FMN2: variants seen among roughly 807,000 people sequenced by gnomAD.
The protein encoded by FMN2 is formin 2.
Under a neutral mutation model 142.3 loss-of-function variants are expected in FMN2, and 51 were observed. The ratio of observed to expected loss-of-function variants is 0.36; its 90% CI spans 0.29 to 0.45. The LOEUF (loss-of-function observed/expected upper bound fraction) is 0.45, where lower values mean the gene tolerates loss of function less well. FMN2 is among the 20% of genes least tolerant of loss of function. The probability of loss-of-function intolerance (pLI) is 1.00; values close to 1 mark genes in which losing one functional copy is unlikely to be tolerated. For missense variants in FMN2, 1,936 were observed against 2,122.8 expected (o/e 0.91, Z 1.73); for synonymous variants, 882 against 869.8 (o/e 1.01, Z -0.25).
intron 8 of FMN2, among the ~76,000 whole-genome samples, chr1:240,304,287 AT>A (rs1237859807): frequency 6.6e-6 from 1 of 152,196 alleles, no homozygotes; most frequent in African/African-American, 2.4e-5. Context: ...GAATTTAACA[AT>A]GTAATTCTGG....
chr1:240,196,494 C>G (rs930623836), intron 4 of FMN2, among the ~76,000 whole-genome samples: 3 of 152,042 alleles, frequency 2.0e-5, no homozygotes, highest in Non-Finnish European at 2.9e-5. Flanking sequence ...GCCCAGCAAT[C>G]TGTGTGTGTT....
At chr1:240,315,616 G>T (rs1050198433) in intron 8 of FMN2, among the ~76,000 whole-genome samples, 2 of 152,180 alleles carry the variant, frequency 1.3e-5, no homozygotes, top group African/African-American at 4.8e-5. Context: ...CTGAGGAGCT[G>T]TTCAGCCATT....
chr1:240,210,957 C>G lies in FMN2; in HGVS notation c.3921-134C>G, dbSNP rs1198667415. 4.3e-6 allele frequency: 3 copies of G among 694,044 alleles called. No homozygotes were observed. The African/African-American group carries it at 5.5e-5, about 13-fold the overall frequency. The allele number at this position is 694,044 out of a possible 1,614,324, so 43.0% of individuals were successfully genotyped here. ...TCTTAAAGAAAAAGAATATTTTTTC[C>G]TTCTTATCTCTCTTCTTTTTCCCTC... On this transcript the variant is annotated intron_variant, in intron 5 of 17. Transcript: ENST00000319653.
chr1:240,467,788 G>A (rs1290470438), intron 16 of FMN2, among the ~76,000 whole-genome samples: 7 of 152,192 alleles, frequency 4.6e-5, no homozygotes, highest in Middle Eastern at 3.4e-3. Flanking sequence ...TTTATTCAGC[G>A]TAGTTTTGTT....
chr1:240,145,591 G>T (rs1331021576), intron 2 of FMN2, among the ~76,000 whole-genome samples: 1 of 128,804 alleles, frequency 7.8e-6, no homozygotes, highest in Non-Finnish European at 1.6e-5. Context: ...ACCCAGGCTG[G>T]AGTACAATGG....
chr1:240,270,525 T>G (rs1421328623), intron 7 of FMN2, among the ~76,000 whole-genome samples: 4 of 152,094 alleles, frequency 2.6e-5, no homozygotes, highest in African/African-American at 9.7e-5. Flanking sequence ...CCTCATTGGC[T>G]TTGATAACTG....
chr1:240,143,920 G>A (rs991830019), intron 2 of FMN2: 1 of 1,532,900 alleles, frequency 6.5e-7, no homozygotes, highest in South Asian at 1.1e-5. Context: ...CGTAGGCCAA[G>A]CCTAGCCCAA....
At chr1:240,350,654 T>C (rs1172251878) in intron 13 of FMN2, among the ~76,000 whole-genome samples, 2 of 152,220 alleles carry the variant, frequency 1.3e-5, no homozygotes, top group Non-Finnish European at 2.9e-5. Context: ...ACAGAGCTAA[T>C]AGAAGAACTG....
intron 15 of FMN2, among the ~76,000 whole-genome samples, chr1:240,405,775 AAT>A (rs888981437): frequency 2.4e-4 from 36 of 152,016 alleles, no homozygotes; most frequent in African/African-American, 8.7e-4. Flanking sequence ...GGAAGAAAAA[AAT>A]TTTTTTCTAA....
At chr1:240,131,872 AT>A (rs34522374) in intron 2 of FMN2, among the ~76,000 whole-genome samples, 1 of 152,202 alleles carries the variant, frequency 6.6e-6, no homozygotes, top group Admixed American at 6.5e-5. Flanking sequence ...CTTTTGAATA[AT>A]TTTGAGTAGT....
At chr1:240,180,133 A>C in intron 3 of FMN2, 1 of 1,257,540 alleles carries the variant, frequency 8.0e-7, no homozygotes. Context: ...TTTTAATGAA[A>C]TAACTTGTCT....
At chr1:240,211,009 C>A (rs956726641) in intron 5 of FMN2, 82 bp from the exon 6 acceptor site, 3 of 1,342,646 alleles carry the variant, frequency 2.2e-6, no homozygotes, top group Non-Finnish European at 3.0e-6. Context: ...CTTCCTCCCT[C>A]CCCTTCTTCC....
intron 2 of FMN2, among the ~76,000 whole-genome samples, chr1:240,159,957 C>CTG (rs200278083): frequency 0.078 from 9,282 of 118,808 alleles, 383 homozygotes; most frequent in African/African-American, 0.14. Flanking sequence ...ATATCTATAT[C>CTG]TGTGTATATA....
At chr1:240,336,619 C>CT (rs1015294151) in intron 13 of FMN2, among the ~76,000 whole-genome samples, 48 of 116,450 alleles carry the variant, frequency 4.1e-4, no homozygotes, top group African/African-American at 1.5e-3. Context: ...TTACAGAGAA[C>CT]TTTTTTCACA....
At chr1:240,202,752 T>C (rs1666175680) in intron 4 of FMN2, among the ~76,000 whole-genome samples, 1 of 152,188 alleles carries the variant, frequency 6.6e-6, no homozygotes, top group Admixed American at 6.5e-5. Context: ...GCATGACCAC[T>C]GTGCCTCATC....
chr1:240,327,687 G>C (rs1191606371), intron 8 of FMN2, among the ~76,000 whole-genome samples: 2 of 152,010 alleles, frequency 1.3e-5, no homozygotes, highest in East Asian at 1.9e-4. Context: ...ACAGATTTGT[G>C]CTTCTTGAAG....
chr1:240,404,023 T>A (rs1674072842), intron 15 of FMN2, among the ~76,000 whole-genome samples: 1 of 152,212 alleles, frequency 6.6e-6, no homozygotes, highest in South Asian at 2.1e-4. Flanking sequence ...TTAAGTGGTA[T>A]TTTAGCAAAG....
chr1:240,207,359 TA>T lies in FMN2; in HGVS notation c.2552del (p.Asn851ThrfsTer36). On this transcript the variant is annotated frameshift_variant, in exon 5 of 18. Transcript: ENST00000319653. LOFTEE classifies it high-confidence loss of function. ...SHEHSVSSAF[K>X]NSCNIPSPPP... ...ACGAACACTCTGTTTCCTCTGCCTT[TA>T]AAAACAGCTGTAACATCCCATCTCC... The T allele has an allele frequency of 6.2e-7, 1 of 1,613,686 alleles. No homozygotes were observed. The highest frequency in any genetic ancestry group is 8.5e-7 in the Non-Finnish European group (1 of 1,179,782).
At chr1:240,326,550 GTTGT>G (rs1671177599) in intron 8 of FMN2, among the ~76,000 whole-genome samples, 1 of 152,026 alleles carries the variant, frequency 6.6e-6, no homozygotes, top group African/African-American at 2.4e-5. Flanking sequence ...TTGTTTTTGT[GTTGT>G]TTAAGACCCA....
Sources: gnomAD v4.1 joint callset for allele counts (sites outside exome capture counted in the v4.1 genomes callset) on GRCh38, gnomAD v4.1.1 for gene constraint, MANE v1.5 for transcripts, NCBI Gene and HGNC (gene_info 2026-07-23, HGNC 2026-07-21) for gene names.